KAZN: variants seen among roughly 807,000 people sequenced by gnomAD.
KAZN encodes kazrin.
KAZN carries 40 observed loss-of-function variants against 87.4 expected under a neutral mutation model. The observed-to-expected ratio is 0.46, with a 90% CI of 0.36 to 0.60. The LOEUF (loss-of-function observed/expected upper bound fraction) is 0.60. Among genes scored for constraint, KAZN ranks in the 20% least tolerant of loss-of-function variants. The pLI, the probability that KAZN is intolerant of heterozygous loss-of-function variation, is 0.00. For synonymous variants in KAZN, 466 were observed against 458.3 expected (o/e 1.02, Z -0.22); for missense variants, 898 against 1,073.9 (o/e 0.84, Z 2.29).
chr1:14,153,126 G>A lies in KAZN; in HGVS notation c.92-27309G>A, dbSNP rs145556610. On this transcript the variant is annotated intron_variant, in intron 1 of 16. Transcript: ENST00000636203. ...GTCAGATGGGTAGTTTGTAAATATCGTCTCCCAATATTTGGGAGTTGTCTT... is the reference window on the plus strand; with the variant it reads ...GTCAGATGGGTAGTTTGTAAATATCATCTCCCAATATTTGGGAGTTGTCTT... 2.0e-3 allele frequency among the ~76,000 whole-genome samples: 298 copies of A among 152,160 alleles called. 3 individuals are homozygous for A. The highest frequency in any genetic ancestry group is 6.8e-3 in the African/African-American group (281 of 41,498).
chr1:14,656,277 T>C (rs1244828429), intron 1 of KAZN, among the ~76,000 whole-genome samples: 1 of 152,182 alleles, frequency 6.6e-6, no homozygotes, highest in Non-Finnish European at 1.5e-5. Flanking sequence ...ATGACCCACT[T>C]ATCCCAATTT....
chr1:14,247,097 A>G (rs566064797), intron 2 of KAZN, among the ~76,000 whole-genome samples: 8 of 152,242 alleles, frequency 5.3e-5, no homozygotes, highest in Middle Eastern at 3.4e-3. Flanking sequence ...TGAACACTAG[A>G]TTGTATGGGA....
intron 2 of KAZN, among the ~76,000 whole-genome samples, chr1:14,248,669 T>C (rs1649734135): frequency 6.6e-6 from 1 of 152,238 alleles, no homozygotes; most frequent in South Asian, 2.1e-4. Context: ...GAGAATACAG[T>C]GCTACCTGTG....
chr1:14,592,683 C>A (rs1215008251), intron 2 of KAZN, among the ~76,000 whole-genome samples: 3 of 152,306 alleles, frequency 2.0e-5, no homozygotes, highest in South Asian at 4.1e-4. Flanking sequence ...GGGAGCAGGA[C>A]CCCATTCGTG....
chr1:14,867,706 C>G lies in KAZN; in HGVS notation c.227-92978C>G, dbSNP rs565344857. On this transcript the variant is annotated intron_variant, in intron 1 of 14. Transcript: ENST00000376030. ...GACTGTGACTTCTGTCTCTGCTTTACTCGGTGTCTTTGAAGACACCCCCCC... is the reference window on the plus strand; with the variant it reads ...GACTGTGACTTCTGTCTCTGCTTTAGTCGGTGTCTTTGAAGACACCCCCCC... 8.0e-5 allele frequency among the ~76,000 whole-genome samples: 12 copies of G among 150,622 alleles called. No individual in the cohort carries two copies. The East Asian group carries it at 2.4e-3, about 30-fold the overall frequency.
At chr1:14,460,415 G>C (rs1294798227) in intron 2 of KAZN, among the ~76,000 whole-genome samples, 1 of 152,222 alleles carries the variant, frequency 6.6e-6, no homozygotes, top group African/African-American at 2.4e-5. Context: ...AAGGCGGTGA[G>C]GATCCAGGCT....
chr1:14,970,769 G>T (rs978479269), intron 2 of KAZN, among the ~76,000 whole-genome samples: 1 of 152,176 alleles, frequency 6.6e-6, no homozygotes, highest in Non-Finnish European at 1.5e-5. Context: ...CAACGGAAAG[G>T]CTGGTCTGTT....
chr1:14,106,780 G>C (rs1435346613), intron 1 of KAZN, among the ~76,000 whole-genome samples: 1 of 152,176 alleles, frequency 6.6e-6, no homozygotes, highest in Non-Finnish European at 1.5e-5. Context: ...TTTTGAGATA[G>C]TGAGTTTCCC....
intron 2 of KAZN, among the ~76,000 whole-genome samples, chr1:14,189,045 C>A (rs956056561): frequency 6.6e-6 from 1 of 152,070 alleles, no homozygotes; most frequent in African/African-American, 2.4e-5. Flanking sequence ...TGCTAAGTGT[C>A]GTCATTTAAA....
chr1:14,598,480 C>T (rs1037400335), upstream of KAZN, among the ~76,000 whole-genome samples: 3 of 152,116 alleles, frequency 2.0e-5, no homozygotes, highest in African/African-American at 4.8e-5. The surrounding 1 kb of genome is among the most constrained non-coding windows in gnomAD (Gnocchi z 4.2). Flanking sequence ...GGCCTCGGTC[C>T]AGGCGACCCC....
At chr1:15,114,365 G>A in intron 14 of KAZN, 106 bp from the exon 15 acceptor site, 1 of 903,694 alleles carries the variant, frequency 1.1e-6, no homozygotes, top group Non-Finnish European at 1.7e-6. Context: ...GGTTAAGTAA[G>A]TTACTCAATC....
chr1:14,624,689 T>G (rs1572073937), intron 1 of KAZN, among the ~76,000 whole-genome samples: 1 of 152,244 alleles, frequency 6.6e-6, no homozygotes, highest in Non-Finnish European at 1.5e-5. Context: ...TTCATTCATT[T>G]GTTCAACAAA....
rs1388659468 is a variant in KAZN, at chr1:14,858,203, C to CTTTTTTTTTTTTTTTTT, written c.227-102476_227-102475insTTTTTTTTTTTTTTTTT. Among the ~76,000 whole-genome samples the CTTTTTTTTTTTTTTTTT allele has an allele frequency of 1.7e-4, 16 of 95,094 alleles. 2 individuals are homozygous for CTTTTTTTTTTTTTTTTT. The highest frequency in any genetic ancestry group is 6.9e-4 in the African/African-American group (13 of 18,892). 62.4% of individuals were successfully genotyped at this position (95,094 alleles called of 152,430 possible). A position where few individuals can be genotyped will look rare whatever the true frequency, so the allele number is the denominator to read the frequency against. On this transcript the variant is annotated intron_variant, in intron 1 of 14. Coordinates refer to ENST00000376030, the MANE Select transcript of KAZN (RefSeq NM_201628.3). ...ACATTTCTTTCTTTTTTTCTTTTTT[C>CTTTTTTTTTTTTTTTTT]TTTTTCTTTTCTTTTTTTTTTTTTT...
At chr1:14,781,326 AAAAAAAC>A (rs746679180) in intron 1 of KAZN, among the ~76,000 whole-genome samples, 3 of 152,244 alleles carry the variant, frequency 2.0e-5, no homozygotes, top group Admixed American at 2.0e-4. Context: ...TGTCTGAAGA[AAAAAAAC>A]AAAAAACAAA....
At chr1:14,394,935 G>A (rs762496516) in intron 2 of KAZN, among the ~76,000 whole-genome samples, 17 of 152,186 alleles carry the variant, frequency 1.1e-4, no homozygotes, top group Admixed American at 2.0e-4. Flanking sequence ...CTTCTGTTCA[G>A]TCCAGTCTAC....
rs147980894 is a variant in KAZN, at chr1:14,890,727, C to T, written c.227-69957C>T. Among the ~76,000 whole-genome samples, 636 of 152,148 alleles carry T rather than the reference C, an allele frequency of 4.2e-3. 2 individuals are homozygous for T. Among genetic ancestry groups the T allele is most frequent in the African/African-American group, 0.014 (598 of 41,506 alleles). On this transcript the variant is annotated intron_variant, in intron 1 of 14. Coordinates refer to ENST00000376030, the MANE Select transcript of KAZN (RefSeq NM_201628.3). ...TTTTTAATCTAGAGCTGGGGTCTTG[C>T]CGTGTTGCCCAGGCAGGTCTCAAAC...
intron 1 of KAZN, among the ~76,000 whole-genome samples, chr1:14,621,945 A>C (rs1167447934): frequency 6.6e-6 from 1 of 152,118 alleles, no homozygotes; most frequent in East Asian, 1.9e-4. Flanking sequence ...ACCCTAAGAA[A>C]CCTTACAAAG....
At chr1:14,967,170 T>C (rs1037052620) in intron 2 of KAZN, among the ~76,000 whole-genome samples, 5 of 152,146 alleles carry the variant, frequency 3.3e-5, no homozygotes, top group Admixed American at 6.5e-5. Flanking sequence ...AAGTGTGGTG[T>C]TTTAGGATGT....
At chr1:15,031,796 A>G (rs928202757) in intron 2 of KAZN, among the ~76,000 whole-genome samples, 4 of 152,116 alleles carry the variant, frequency 2.6e-5, no homozygotes, top group African/African-American at 9.7e-5. Context: ...TTTTTTGTAA[A>G]GATGAGGTCT....
Sources: gnomAD v4.1 joint callset for allele counts (sites outside exome capture counted in the v4.1 genomes callset) on GRCh38, gnomAD v4.1.1 for gene constraint, Gnocchi (gnomAD v3.1) non-coding constraint, MANE v1.5 for transcripts, NCBI Gene and HGNC (gene_info 2026-07-23, HGNC 2026-07-21) for gene names.